Variants in TCF4 observed in about 807,000 individuals in gnomAD.
The protein encoded by TCF4 is transcription factor 4, also known as SL3-3 enhancer factor 2.
A neutral mutation model predicts 82.1 loss-of-function variants in TCF4; 3 were observed. That is an observed-to-expected ratio of 0.04 (90% CI 0.02 to 0.09). TCF4 has a LOEUF of 0.09. Ranked by LOEUF, TCF4 falls within the 10% of genes least tolerant of loss-of-function variation. TCF4 has a pLI of 1.00. For synonymous variants in TCF4, 276 were observed against 309.6 expected, an observed-to-expected ratio of 0.89 and a Z score of 1.14; for missense variants, 518 against 852.7, an observed-to-expected ratio of 0.61 and a Z score of 4.89.
intron 6 of TCF4, among the ~76,000 whole-genome samples, chr18:55,386,185 G>A (rs2092590260): frequency 1.3e-5 from 2 of 152,094 alleles, no homozygotes; most frequent in Admixed American, 6.6e-5. Flanking sequence ...CCACGGCTCC[G>A]CTGAATGACT....
intron 8 of TCF4, among the ~76,000 whole-genome samples, chr18:55,287,308 C>A (rs2063917357): frequency 6.6e-6 from 1 of 152,078 alleles, no homozygotes; most frequent in Non-Finnish European, 1.5e-5. Context: ...ATCTATACAC[C>A]CCATCACAAA....
At chr18:55,376,342 A>G (rs903834267) in intron 6 of TCF4, among the ~76,000 whole-genome samples, 1 of 152,094 alleles carries the variant, frequency 6.6e-6, no homozygotes, top group African/African-American at 2.4e-5. Context: ...ATTTCTTAGA[A>G]CATGAAAATA....
At chr18:55,619,898 ATATGGT>A (rs754884216) in intron 2 of TCF4, among the ~76,000 whole-genome samples, 7 of 152,056 alleles carry the variant, frequency 4.6e-5, no homozygotes, top group Admixed American at 2.6e-4. Context: ...TGGAGGATTC[ATATGGT>A]TAGGCTTTGT....
chr18:55,365,229 G>C (rs2086675029), intron 6 of TCF4, among the ~76,000 whole-genome samples: 2 of 135,884 alleles, frequency 1.5e-5, no homozygotes, highest in Non-Finnish European at 3.1e-5. Context: ...GTGTGTGTGT[G>C]TGTGTATATA....
At chr18:55,457,048 GC>G (rs1440759785) in intron 5 of TCF4, among the ~76,000 whole-genome samples, 1 of 152,184 alleles carries the variant, frequency 6.6e-6, no homozygotes, top group African/African-American at 2.4e-5. Context: ...CACAATGAAA[GC>G]AACGAGTGAG....
At chr18:55,598,260 C>T (rs537210282) in intron 2 of TCF4, among the ~76,000 whole-genome samples, 1 of 152,288 alleles carries the variant, frequency 6.6e-6, no homozygotes, top group South Asian at 2.1e-4. Flanking sequence ...TGGGCTGAAG[C>T]ATTAACTCTG....
At chr18:55,589,285 T>C, upstream of TCF4, 3 of 1,051,554 alleles carry the variant, frequency 2.9e-6, no homozygotes, top group Non-Finnish European at 3.4e-6. Context: ...TGACGGCAAA[T>C]TGAAACGTTA....
intron 3 of TCF4, among the ~76,000 whole-genome samples, chr18:55,492,996 C>T (rs563886722): frequency 6.6e-6 from 1 of 152,190 alleles, no homozygotes; most frequent in East Asian, 1.9e-4. Flanking sequence ...CAAAAGCCAT[C>T]GATAGAGCCA....
At chr18:55,325,717 C>T (rs1160711780) in intron 8 of TCF4, among the ~76,000 whole-genome samples, 1 of 152,102 alleles carries the variant, frequency 6.6e-6, no homozygotes, top group Non-Finnish European at 1.5e-5. Context: ...TTGTTGTTGT[C>T]TTTCTTTTTT....
At position 55,569,296 on chromosome 18, in the gene TCF4, A is replaced by G. The variant is rs373070360; in HGVS notation, c.145+15984T>C. Among the ~76,000 whole-genome samples, 30 of 152,274 alleles carry G rather than the reference A, an allele frequency of 2.0e-4. 1 individual carries two copies. In the South Asian group the frequency reaches 4.8e-3, roughly 24 times the overall value. On this transcript the variant is annotated intron_variant, in intron 3 of 19. Coordinates refer to ENST00000354452, the MANE Select transcript of TCF4 (RefSeq NM_001083962.2). ...GAGTCACACATGATGTGACAGATCT[A>G]CAGAAAAAACTCTAAGGAAAACACA...
chr18:55,384,980 T>C (rs566809373), intron 6 of TCF4, among the ~76,000 whole-genome samples: 1 of 152,284 alleles, frequency 6.6e-6, no homozygotes, highest in East Asian at 1.9e-4. Flanking sequence ...GCCCGACAGA[T>C]TTTTACTCAC....
chr18:55,607,933 C>A (rs550960833), intron 2 of TCF4, among the ~76,000 whole-genome samples: 1 of 152,300 alleles, frequency 6.6e-6, no homozygotes, highest in South Asian at 2.1e-4. Flanking sequence ...TTTCCCTGCC[C>A]AGCTTTTCAT....
In TCF4 at chr18:55,505,965, A is replaced by C. The variant is rs1299755705; in HGVS notation, c.146-41828T>G. On this transcript the variant is annotated intron_variant, in intron 3 of 19. Transcript: ENST00000354452. ...ACTGCAAAAATGAAAAATAAAATGTATTTGCAGGAAATAACACTAGACCTG... is the reference window on the plus strand; with the variant it reads ...ACTGCAAAAATGAAAAATAAAATGTCTTTGCAGGAAATAACACTAGACCTG... Among the ~76,000 whole-genome samples the C allele has an allele frequency of 2.0e-5, 3 of 152,284 alleles. No individual in the cohort carries two copies. The East Asian group carries it at 5.8e-4, about 29-fold the overall frequency.
At chr18:55,520,891 A>C (rs1379481454) in intron 3 of TCF4, among the ~76,000 whole-genome samples, 1 of 152,238 alleles carries the variant, frequency 6.6e-6, no homozygotes, top group East Asian at 1.9e-4. Context: ...TCCTTAAGCC[A>C]CTATAGGCTT....
At chr18:55,265,121 G>A (rs570127811) in intron 11 of TCF4, 1 of 152,200 alleles carries the variant, frequency 6.6e-6, no homozygotes, top group African/African-American at 2.4e-5. Flanking sequence ...TGGTGCCTTG[G>A]GATCAACTAC....
intron 8 of TCF4, among the ~76,000 whole-genome samples, chr18:55,298,804 CTG>C (rs1231201132): frequency 6.6e-6 from 1 of 152,008 alleles, no homozygotes; most frequent in African/African-American, 2.4e-5. Context: ...GTCATCAAGA[CTG>C]TTGAAAAAGT....
intron 5 of TCF4, among the ~76,000 whole-genome samples, chr18:55,435,112 T>C (rs546577503): frequency 6.6e-6 from 1 of 152,330 alleles, no homozygotes; most frequent in African/African-American, 2.4e-5. Flanking sequence ...TAAGTTCTAC[T>C]CTGGTGAACT....
intron 3 of TCF4, among the ~76,000 whole-genome samples, chr18:55,467,387 C>T (rs1182552309): frequency 1.3e-5 from 2 of 152,142 alleles, no homozygotes; most frequent in Non-Finnish European, 2.9e-5. Context: ...ACCTGTATGC[C>T]CATTTTTAAA....
chr18:55,599,779 C>T (rs1242064371), intron 2 of TCF4, among the ~76,000 whole-genome samples: 6 of 152,118 alleles, frequency 3.9e-5, no homozygotes, highest in Middle Eastern at 3.2e-3. Context: ...CTGTACAGCT[C>T]GATAAATTTT....
Sources: gnomAD v4.1 joint callset for allele counts (sites outside exome capture counted in the v4.1 genomes callset) on GRCh38, gnomAD v4.1.1 for gene constraint, MANE v1.5 for transcripts, NCBI Gene and HGNC (gene_info 2026-07-23, HGNC 2026-07-21) for gene names.